OVCH1: variants seen among roughly 807,000 people sequenced by gnomAD.
The protein encoded by OVCH1 is ovochymase 1.
A neutral mutation model predicts 138.4 loss-of-function variants in OVCH1; 139 were observed. That is an observed-to-expected ratio of 1.00 (90% CI 0.87 to 1.16). OVCH1 has a LOEUF of 1.16. Ranked by LOEUF, OVCH1 falls within the 50% of genes most tolerant of loss-of-function variation. The pLI, the probability that OVCH1 is intolerant of heterozygous loss-of-function variation, is 0.00. For missense variants in OVCH1, 1,367 were observed against 1,357.9 expected (o/e 1.01, Z -0.11); for synonymous variants, 453 against 467.8 (o/e 0.97, Z 0.41).
At chr12:29,427,096 G>A (rs1941192343), downstream of OVCH1, among the ~76,000 whole-genome samples, 1 of 152,114 alleles carries the variant, frequency 6.6e-6, no homozygotes, top group South Asian at 2.1e-4. Context: ...CACTATCATA[G>A]CCTGAGCTGC....
rs376305195 is a variant in OVCH1 at position 29,477,444 on chromosome 12, C to A, written c.1143G>T (p.Leu381Phe). 1.9e-6 allele frequency: 3 copies of A among 1,613,802 alleles called. No homozygotes were observed. The highest frequency in any genetic ancestry group is 1.3e-5 in the African/African-American group (1 of 74,918). Residue 381 changes from leucine (L) to phenylalanine (F), a missense_variant, in exon 11 of 28, where the codon TTG becomes TTT. Coordinates refer to ENST00000318184, the Ensembl canonical transcript of OVCH1. ...CCATGGCCTCACTGGTCTCTGCCAG[C>A]AATGGTGAAGGCAATATTTTTCCAC... is the stretch of plus-strand genomic sequence containing the variant.
intron 25 of OVCH1, chr12:29,440,642 C>T (rs1592041012): frequency 2.2e-6 from 1 of 446,672 alleles, no homozygotes; most frequent in East Asian, 7.0e-5. Context: ...TAGAAGTATA[C>T]ATCATTTTCA....
intron 25 of OVCH1, among the ~76,000 whole-genome samples, 184 bp from the exon 26 acceptor site, chr12:29,440,928 A>G (rs1004577346): frequency 1.1e-4 from 16 of 152,186 alleles, no homozygotes; most frequent in Non-Finnish European, 2.2e-4. Context: ...GCAAAAAGCC[A>G]TACATCCTCT....
intron 15 of OVCH1, 26 bp from the exon 16 acceptor site, chr12:29,472,008 C>A: frequency 1.3e-6 from 2 of 1,577,544 alleles, no homozygotes; most frequent in Non-Finnish European, 8.6e-7. Flanking sequence ...AACCAATGAC[C>A]CATAAGGTTG....
At chr12:29,423,366 A>AC, downstream of OVCH1, 1 of 439,520 alleles carries the variant, frequency 2.3e-6, no homozygotes. Flanking sequence ...GAAAGAGGAC[A>AC]AAGAGGTAAC....
chr12:29,455,075 T>C, intron 20 of OVCH1, 142 bp from the exon 21 acceptor site: 1 of 1,129,236 alleles, frequency 8.9e-7, no homozygotes, highest in South Asian at 1.6e-5. Context: ...TCAGTTTAAC[T>C]CTACACATGG....
intron 8 of OVCH1, among the ~76,000 whole-genome samples, chr12:29,479,535 A>C (rs1004620521): frequency 2.6e-5 from 4 of 152,208 alleles, no homozygotes; most frequent in Admixed American, 2.0e-4. Flanking sequence ...ATTTTCATAC[A>C]TAAATTTATT....
chr12:29,489,646 G>A (rs1943220431), exon 6 of OVCH1: 2 of 1,608,128 alleles, frequency 1.2e-6, no homozygotes, highest in Middle Eastern at 3.4e-4. Context: ...CCCCAATCAG[G>A]GAAGCCAGCA....
intron 8 of OVCH1, among the ~76,000 whole-genome samples, chr12:29,482,791 CT>C (rs1942975872): frequency 6.6e-6 from 1 of 152,192 alleles, no homozygotes; most frequent in African/African-American, 2.4e-5. Flanking sequence ...GCAGAGATCT[CT>C]GAAATGCTTA....
chr12:29,479,905 C>T (rs892197023), intron 8 of OVCH1, among the ~76,000 whole-genome samples: 1 of 147,876 alleles, frequency 6.8e-6, no homozygotes, highest in African/African-American at 2.5e-5. Context: ...CTCACTGCAA[C>T]CTACACCTCC....
In OVCH1 at chr12:29,486,332, T is replaced by C. The variant is rs777783666; in HGVS notation, c.909A>G (p.Gln303=). 16 of 1,613,580 alleles carry C rather than the reference T, an allele frequency of 9.9e-6. No homozygotes were observed. In the East Asian group the frequency reaches 2.5e-4, roughly 25 times the overall value. The change falls in exon 8 of 28, where the codon CAA becomes CAG. Residue 303 remains glutamine, a synonymous_variant. Transcript: ENST00000318184. ...ACCTTGAGCCCACTTTTGAGAGGGG[T>C]TGGCCCCGATCCAAACCTGTAAAAG... is the stretch of plus-strand genomic sequence containing the variant.
chr12:29,440,963 G>A (rs948559568), intron 25 of OVCH1, among the ~76,000 whole-genome samples: 2 of 152,214 alleles, frequency 1.3e-5, no homozygotes, highest in African/African-American at 2.4e-5. Context: ...ACTTCATTAC[G>A]CATTGGTATC....
Position 29,474,206 on chromosome 12 carries a change from G to A in OVCH1, c.1600+855C>T, listed in dbSNP as rs533887387. Among the ~76,000 whole-genome samples the A allele has an allele frequency of 2.6e-4, 39 of 151,384 alleles. 1 individual carries two copies. The highest frequency in any genetic ancestry group is 8.3e-4 in the South Asian group (4 of 4,792). On this transcript the variant is annotated intron_variant, in intron 14 of 27. Transcript: ENST00000318184. Reference sequence around the variant, plus strand: ...TACTATATATATAATAAAACAATACGTATAGAATAAATTCTTTACAATGAT... The same window carrying A: ...TACTATATATATAATAAAACAATACATATAGAATAAATTCTTTACAATGAT...
intron 3 of OVCH1, 118 bp downstream of exon 3, chr12:29,496,063 C>T (rs1001448699): frequency 1.6e-5 from 14 of 858,682 alleles, no homozygotes; most frequent in Non-Finnish European, 2.6e-5. Context: ...TGGGTGGGTA[C>T]ACTGGGAGGC....
At chr12:29,456,818 G>A (rs760405923) in intron 19 of OVCH1, among the ~76,000 whole-genome samples, 10 of 152,084 alleles carry the variant, frequency 6.6e-5, no homozygotes, top group South Asian at 4.1e-4. Flanking sequence ...CCTAATTTAC[G>A]GTGAAATTTT....
chr12:29,473,032 G>T, exon 15 of OVCH1: 1 of 1,607,766 alleles, frequency 6.2e-7, no homozygotes, highest in East Asian at 2.2e-5. Flanking sequence ...AACTCACCAT[G>T]CAGAATAGCT....
In OVCH1 at chr12:29,476,779, A is replaced by G. The variant is rs918696242; in HGVS notation, c.1377+323T>C. ...CGCACACACACACACACACACACACACACACACACACACACACACACACAC... is the reference window on the plus strand; with the variant it reads ...CGCACACACACACACACACACACACGCACACACACACACACACACACACAC... On this transcript the variant is annotated intron_variant, in intron 12 of 27. Coordinates refer to ENST00000318184, the Ensembl canonical transcript of OVCH1. Among the ~76,000 whole-genome samples the G allele has an allele frequency of 4.7e-3, 605 of 127,682 alleles. 5 individuals carry two copies. Among genetic ancestry groups the G allele is most frequent in the Middle Eastern group, 0.013 (3 of 238 alleles). The allele number at this position is 127,682 out of a possible 152,430, so 83.8% of individuals were successfully genotyped here. A position where few individuals can be genotyped will look rare whatever the true frequency, so the allele number is the denominator to read the frequency against.
intron 26 of OVCH1, among the ~76,000 whole-genome samples, chr12:29,437,376 A>G (rs1202127345): frequency 6.6e-6 from 1 of 152,170 alleles, no homozygotes; most frequent in Non-Finnish European, 1.5e-5. Context: ...TAATTTTTTC[A>G]TATTATGAAT....
At chr12:29,428,966 A>G (rs922552141) in intron 27 of OVCH1, among the ~76,000 whole-genome samples, 10 of 152,220 alleles carry the variant, frequency 6.6e-5, no homozygotes, top group Non-Finnish European at 1.2e-4. Flanking sequence ...CAAGCTTGGT[A>G]AGTGAGTGTA....
Sources: allele counts gnomAD v4.1 joint callset (sites outside exome capture counted in the v4.1 genomes callset), GRCh38; gene constraint gnomAD v4.1.1; transcripts MANE v1.5; gene names NCBI Gene and HGNC (gene_info 2026-07-23, HGNC 2026-07-21).